The following NAALADL2 variants were observed in gnomAD, a reference collection of about 807,000 sequenced individuals.
The protein encoded by NAALADL2 is N-acetylated alpha-linked acidic dipeptidase like 2.
Under a neutral mutation model 87.2 loss-of-function variants are expected in NAALADL2, and 76 were observed. The ratio of observed to expected loss-of-function variants is 0.87; its 90% confidence interval spans 0.72 to 1.05. NAALADL2 has a LOEUF of 1.05. NAALADL2 is among the 50% of genes least tolerant of loss of function. The pLI is 0.00. For synonymous variants in NAALADL2, 354 were observed against 331.0 expected, an observed-to-expected ratio of 1.07 and a Z score of -0.75; for missense variants, 1,089 against 945.8, an observed-to-expected ratio of 1.15 and a Z score of -1.99.
intron 11 of NAALADL2, among the ~76,000 whole-genome samples, chr3:175,696,942 G>A (rs1329825694): frequency 6.6e-6 from 1 of 151,964 alleles, no homozygotes; most frequent in Non-Finnish European, 1.5e-5. Flanking sequence ...CTGCAATAAT[G>A]GCATTAATTC....
chr3:175,724,636 A>G (rs1179903102), intron 11 of NAALADL2, among the ~76,000 whole-genome samples: 1 of 152,148 alleles, frequency 6.6e-6, no homozygotes, highest in African/African-American at 2.4e-5. Flanking sequence ...TTTGACCATC[A>G]TTTAAAATCT....
intron 9 of NAALADL2, among the ~76,000 whole-genome samples, chr3:175,531,805 C>G (rs771932895): frequency 6.6e-6 from 1 of 152,138 alleles, no homozygotes; most frequent in Non-Finnish European, 1.5e-5. Flanking sequence ...GTTAAGCTTA[C>G]GATAATCCAC....
At chr3:175,312,302 A>G (rs112793777) in intron 4 of NAALADL2, among the ~76,000 whole-genome samples, 1,997 of 152,334 alleles carry the variant, frequency 0.013, 48 homozygotes, top group African/African-American at 0.045. Context: ...AATAAATAAG[A>G]ATGTACTATG....
At chr3:174,983,208 A>G (rs1289579857) in intron 1 of NAALADL2, among the ~76,000 whole-genome samples, 1 of 152,206 alleles carries the variant, frequency 6.6e-6, no homozygotes, top group Non-Finnish European at 1.5e-5. Context: ...AGGGGACAGT[A>G]TGACCCAGAG....
rs541920434 is a variant in NAALADL2 at position 175,054,937 on chromosome 3, C to T, written c.44-41853C>T. Among the ~76,000 whole-genome samples, 60 of 152,178 alleles carry T rather than the reference C, an allele frequency of 3.9e-4. No individual in the cohort carries two copies. The East Asian group carries it at 7.0e-3, about 18-fold the overall frequency. The stretch of plus-strand genomic sequence containing the variant: ...GGTTGAATAGTTCCAGGTTGTCCAT[C>T]GGGCCCTTCACAATGCAAAATATGA... On this transcript the variant is annotated intron_variant, in intron 1 of 13. Transcript: ENST00000454872.
At chr3:175,787,459 G>C (rs1303039919) in intron 13 of NAALADL2, among the ~76,000 whole-genome samples, 1 of 152,168 alleles carries the variant, frequency 6.6e-6, no homozygotes, top group Non-Finnish European at 1.5e-5. Flanking sequence ...TATTCGGATG[G>C]GAGTGACCCG....
At chr3:175,403,049 TTTTG>T (rs1650739234) in intron 5 of NAALADL2, among the ~76,000 whole-genome samples, 1 of 152,128 alleles carries the variant, frequency 6.6e-6, no homozygotes, top group South Asian at 2.1e-4. Flanking sequence ...AGCTTTATTT[TTTTG>T]TTTGTTTTAT....
intron 1 of NAALADL2, among the ~76,000 whole-genome samples, chr3:174,544,722 C>T (rs1383569581): frequency 6.6e-6 from 1 of 151,728 alleles, no homozygotes; most frequent in African/African-American, 2.4e-5. Context: ...AGGCACGCGT[C>T]ACCACACCCA....
intron 1 of NAALADL2, among the ~76,000 whole-genome samples, chr3:174,442,394 T>TC (rs72585445): frequency 6.6e-6 from 1 of 151,848 alleles, no homozygotes; most frequent in Non-Finnish European, 1.5e-5. Flanking sequence ...GAGATTTTTT[T>TC]TCTCCTTTAC....
At chr3:175,791,962 A>G (rs1262308557) in intron 13 of NAALADL2, among the ~76,000 whole-genome samples, 2 of 151,684 alleles carry the variant, frequency 1.3e-5, no homozygotes, top group African/African-American at 4.8e-5. Flanking sequence ...CAACTTGGAA[A>G]TTCTTTTCAC....
chr3:175,336,236 T>C (rs1284841580), intron 5 of NAALADL2, among the ~76,000 whole-genome samples: 4 of 152,182 alleles, frequency 2.6e-5, no homozygotes, highest in Non-Finnish European at 5.9e-5. Context: ...CCAACTAAGC[T>C]ACACTACAGA....
At position 175,181,718 on chromosome 3, in the gene NAALADL2, T is replaced by TGTGTGTGTGTGTATATGC. The variant is rs1553802465; in HGVS notation, c.546-52213_546-52212insGTGTGTGTGTGTATATGC. Among the ~76,000 whole-genome samples, 44 of 72,406 alleles carry TGTGTGTGTGTGTATATGC rather than the reference T, an allele frequency of 6.1e-4. No homozygotes were observed. The East Asian group carries it at 6.7e-3, about 11-fold the overall frequency. 47.5% of individuals were successfully genotyped at this position (72,406 alleles called of 152,430 possible). ...ATATATATATATGTGTGTGTGTGTG[T>TGTGTGTGTGTGTATATGC]ATATATATGTATATATGTGTATATA... On this transcript the variant is annotated intron_variant, in intron 2 of 13. Coordinates refer to ENST00000454872, the MANE Select transcript of NAALADL2 (RefSeq NM_207015.3).
intron 1 of NAALADL2, among the ~76,000 whole-genome samples, chr3:174,992,756 C>T (rs898668555): frequency 4.0e-5 from 6 of 151,846 alleles, no homozygotes; most frequent in East Asian, 3.9e-4. Context: ...TAAAATGTAC[C>T]GATTGAATAT....
intron 4 of NAALADL2, among the ~76,000 whole-genome samples, chr3:175,309,532 A>G (rs529374434): frequency 2.1e-4 from 31 of 151,048 alleles, no homozygotes; most frequent in African/African-American, 5.3e-4. Context: ...AAAATTGTAG[A>G]AAAAAAAACG....
chr3:174,697,166 ATAATTTTACTTATTCT>A (rs970933558), intron 2 of NAALADL2, among the ~76,000 whole-genome samples: 4 of 152,218 alleles, frequency 2.6e-5, no homozygotes, highest in Non-Finnish European at 2.9e-5. Context: ...TAGCAATGCC[ATAATTTTACTTATTCT>A]TAAAGAGTTT....
chr3:175,464,441 T>A (rs1560594124), intron 7 of NAALADL2, among the ~76,000 whole-genome samples: 1 of 149,738 alleles, frequency 6.7e-6, no homozygotes, highest in Non-Finnish European at 1.5e-5. Context: ...AAAAAAAAAA[T>A]TGAAATCTTC....
intron 2 of NAALADL2, among the ~76,000 whole-genome samples, chr3:175,189,551 C>A (rs1468020717): frequency 6.6e-6 from 1 of 152,100 alleles, no homozygotes; most frequent in Non-Finnish European, 1.5e-5. Context: ...AACTGCATAA[C>A]ATTAATGAAA....
intron 10 of NAALADL2, among the ~76,000 whole-genome samples, chr3:175,609,169 T>C (rs536422460): frequency 3.5e-4 from 54 of 152,190 alleles, no homozygotes; most frequent in Non-Finnish European, 7.2e-4. Context: ...CACATAGAGA[T>C]TGAACACTGA....
intron 12 of NAALADL2, among the ~76,000 whole-genome samples, chr3:175,743,190 G>A (rs1167278070): frequency 1.3e-5 from 2 of 151,984 alleles, no homozygotes; most frequent in East Asian, 1.9e-4. Flanking sequence ...TAGTAGAGAT[G>A]GGGTTTCACC....
Sources: gnomAD v4.1 joint callset for allele counts (sites outside exome capture counted in the v4.1 genomes callset) on GRCh38, gnomAD v4.1.1 for gene constraint, MANE v1.5 for transcripts, NCBI Gene and HGNC (gene_info 2026-07-23, HGNC 2026-07-21) for gene names.